Variants in NPAS1 observed in about 807,000 individuals in gnomAD.
The protein encoded by NPAS1 is neuronal PAS domain protein 1.
A neutral mutation model predicts 49.2 loss-of-function variants in NPAS1; 29 were observed. The observed-to-expected ratio is 0.59, with a 90% CI of 0.44 to 0.80. The LOEUF is 0.80. Ranked by LOEUF, NPAS1 falls within the 30% of genes least tolerant of loss-of-function variation. The pLI, the probability that NPAS1 is intolerant of heterozygous loss-of-function variation, is 0.00. For synonymous variants in NPAS1, 408 were observed against 380.4 expected (o/e 1.07, Z -0.84); for missense variants, 825 against 835.5 (o/e 0.99, Z 0.15).
Position 47,019,868 on chromosome 19 carries a change from AG to A in NPAS1, c.-171del. 1 of 331,310 alleles carries A rather than the reference AG, an allele frequency of 3.0e-6. No individual in the cohort carries two copies. The highest frequency in any genetic ancestry group is 2.2e-5 in the African/African-American group (1 of 46,030). The allele number at this position is 331,310 out of a possible 1,614,324, so 20.5% of individuals were successfully genotyped here. A position where few individuals can be genotyped will look rare whatever the true frequency, so the allele number is the denominator to read the frequency against. ...GTGGGCGCCGAGAGCTGGGCGCCAC[AG>A]CCCGCGCGTCCCGCTGCGCCCCGCG... is the stretch of plus-strand genomic sequence containing the variant. On this transcript the variant is annotated 5_prime_UTR_variant, in exon 1 of 12. Coordinates refer to ENST00000602212, the MANE Select transcript of NPAS1 (RefSeq NM_002517.4).
intron 10 of NPAS1, among the ~76,000 whole-genome samples, chr19:47,041,540 A>G (rs2057021660): frequency 6.6e-6 from 1 of 152,124 alleles, no homozygotes; most frequent in African/African-American, 2.4e-5. Flanking sequence ...GCCTGACCCT[A>G]AAGGTAATGC....
chr19:47,042,989 C>T (rs2057038137), intron 11 of NPAS1, 85 bp downstream of exon 11: 2 of 1,001,838 alleles, frequency 2.0e-6, no homozygotes, highest in Admixed American at 3.4e-5. Flanking sequence ...CCACTAGCCA[C>T]ATGCAGCCAT....
intron 6 of NPAS1, among the ~76,000 whole-genome samples, chr19:47,037,338 CAAAAAAAAAAA>C (rs869125845): frequency 0.015 from 792 of 51,784 alleles, 32 homozygotes; most frequent in East Asian, 0.11. Context: ...ACTCCGTCTC[CAAAAAAAAAAA>C]AAAAAAAAAA....
intron 1 of NPAS1, 103 bp from the exon 2 acceptor site, chr19:47,020,903 C>A (rs917938684): frequency 2.4e-5 from 10 of 409,274 alleles, no homozygotes; most frequent in Middle Eastern, 5.8e-4. Context: ...GGCCCCCCCC[C>A]CCCCAGCTCC....
At position 47,043,493 on chromosome 19, in the gene NPAS1, G is replaced by C. The variant is rs557323551; in HGVS notation, c.1312+589G>C. Among the ~76,000 whole-genome samples, 137 of 152,216 alleles carry C rather than the reference G, an allele frequency of 9.0e-4. 1 individual carries two copies. The highest frequency in any genetic ancestry group is 1.7e-3 in the Non-Finnish European group (113 of 68,016). On this transcript the variant is annotated intron_variant, in intron 11 of 11. Transcript: ENST00000602212. ...TAATCCCAACTACTCGGGAGGCTAA[G>C]GCAGGAGAATCGCTTGAACCCGGAG...
rs545688531 is a variant in NPAS1, at chr19:47,039,375, G to C, written c.805-32G>C. On this transcript the variant is annotated intron_variant, in intron 7 of 11. Transcript: ENST00000602212. ...CCTCTTGCCCCCACTGGCCCGCCTT[G>C]TCCCTCCTCCAACCATGCCCACCAC... The C allele has an allele frequency of 8.7e-6, 14 of 1,610,104 alleles. No homozygotes were observed. The South Asian group carries it at 1.3e-4, about 15-fold the overall frequency.
intron 10 of NPAS1, 59 bp downstream of exon 10, chr19:47,041,184 C>G (rs1178554473): frequency 5.6e-6 from 8 of 1,422,576 alleles, no homozygotes; most frequent in Non-Finnish European, 7.4e-6. Context: ...CTCTCCCCAC[C>G]TCCAGTGGGG....
chr19:47,042,971 T>C, intron 11 of NPAS1, 67 bp downstream of exon 11: 1 of 1,261,370 alleles, frequency 7.9e-7, no homozygotes, highest in Non-Finnish European at 1.1e-6. Context: ...GGCTGTCCAT[T>C]CCAGAAGCCA....
At chr19:47,032,399 G>A (rs1051543086) in intron 4 of NPAS1, 48 bp downstream of exon 4, 5 of 1,590,646 alleles carry the variant, frequency 3.1e-6, no homozygotes, top group African/African-American at 1.3e-5. Context: ...ACCACCTAGC[G>A]GCCGCCTCTG....
Position 47,032,279 on chromosome 19 carries a change from C to G in NPAS1, c.360C>G (p.Ala120=). ...GCTTCATCCTTCCATCTGCCCCAGCCCCAGGCCGCCGCGGCCCCGCAGCGC... is the reference window on the plus strand; with the variant it reads ...GCTTCATCCTTCCATCTGCCCCAGCGCCAGGCCGCCGCGGCCCCGCAGCGC... ...LRAAGPPAGL[A]PGRRGPAALV... Residue 120 remains alanine, a splice_region_variant and synonymous_variant, in exon 4 of 12, where the codon GCC becomes GCG. Coordinates refer to ENST00000602212, the MANE Select transcript of NPAS1 (RefSeq NM_002517.4). 1 of 1,613,852 alleles carries G rather than the reference C, an allele frequency of 6.2e-7. No homozygotes were observed. Among genetic ancestry groups the G allele is most frequent in the Non-Finnish European group, 8.5e-7 (1 of 1,179,942 alleles).
intron 6 of NPAS1, 64 bp from the exon 7 acceptor site, chr19:47,038,972 G>A: frequency 7.1e-7 from 1 of 1,418,260 alleles, no homozygotes; most frequent in South Asian, 1.2e-5. Flanking sequence ...GCTCTGCAAG[G>A]GTCAGGGTGG....
In NPAS1 at chr19:47,045,146, G is replaced by A. The variant is rs766663669; in HGVS notation, c.1313-45G>A. ...GCTCCATTCCACAGATGGGAAGACT[G>A]AGGGCTGGGGACACACACAGGCCCT... On this transcript the variant is annotated intron_variant, in intron 11 of 11. Coordinates refer to ENST00000602212, the MANE Select transcript of NPAS1 (RefSeq NM_002517.4). 6 of 1,579,794 alleles carry A rather than the reference G, an allele frequency of 3.8e-6. No homozygotes were observed. The South Asian group carries it at 6.8e-5, about 18-fold the overall frequency.
At chr19:47,038,147 G>A (rs1207583050) in intron 6 of NPAS1, among the ~76,000 whole-genome samples, 2 of 152,200 alleles carry the variant, frequency 1.3e-5, no homozygotes, top group Admixed American at 1.3e-4. Flanking sequence ...CCTGAGAGGT[G>A]GGCTTTCCTC....
At chr19:47,030,623 C>CCTGG (rs2056899080) in intron 3 of NPAS1, among the ~76,000 whole-genome samples, 1 of 147,646 alleles carries the variant, frequency 6.8e-6, no homozygotes, top group Admixed American at 6.9e-5. Context: ...AGCCACCGTG[C>CCTGG]CTGGCCCTTT....
At position 47,021,189 on chromosome 19, in the gene NPAS1, C is replaced by T. The variant is rs201703688; in HGVS notation, c.122+20C>T. ...ACCGTGGTGAGCAAAGCCCCGCCCC[C>T]CTGGCCGCGGGCCCCCCCCCGGGTC... On this transcript the variant is annotated intron_variant, in intron 2 of 11. Transcript: ENST00000602212. This position sits in a 1 kb window ranked among gnomAD's most constrained non-coding sequence, Gnocchi z 5.7. 1.6e-5 allele frequency: 24 copies of T among 1,514,054 alleles called. No homozygotes were observed. The highest frequency in any genetic ancestry group is 1.4e-4 in the African/African-American group (10 of 70,076). 93.8% of individuals were successfully genotyped at this position (1,514,054 alleles called of 1,614,324 possible).
chr19:47,022,744 G>T (rs2056849596), intron 3 of NPAS1, among the ~76,000 whole-genome samples: 1 of 152,128 alleles, frequency 6.6e-6, no homozygotes. Flanking sequence ...TGGCCAAGAC[G>T]CAATAAAGAA....
rs760670728 is a variant in NPAS1 at position 47,021,075 on chromosome 19, G to A, written c.28G>A (p.Gly10Ser). Residue 10 changes from glycine (G) to serine (S), a missense_variant, in exon 2 of 12, where the codon GGC (glycine) becomes AGC (serine). Physicochemically the swap from Gly to Ser is moderately conservative, Grantham distance 56 (BLOSUM62 0). Transcript: ENST00000602212. This position sits in a 1 kb window ranked among gnomAD's most constrained non-coding sequence, Gnocchi z 5.7. ...GGCGGCCCCCTATCCCGGCAGTGGC[G>A]GCGGAAGCGAGGTCAAATGCGTGGG... MAAPYPGSG[G>S]GSEVKCVGGR... 3.1e-6 allele frequency: 5 copies of A among 1,605,138 alleles called. No individual in the cohort carries two copies. Among genetic ancestry groups the A allele is most frequent in the Non-Finnish European group, 4.2e-6 (5 of 1,176,716 alleles).
chr19:47,021,913 C>A lies in NPAS1; in HGVS notation c.358+66C>A. 2 of 1,067,846 alleles carry A rather than the reference C, an allele frequency of 1.9e-6. No individual in the cohort carries two copies. The highest frequency in any genetic ancestry group is 2.5e-6 in the Non-Finnish European group (2 of 794,390). 66.1% of individuals were successfully genotyped at this position (1,067,846 alleles called of 1,614,324 possible). On this transcript the variant is annotated intron_variant, in intron 3 of 11. Coordinates refer to ENST00000602212, the MANE Select transcript of NPAS1 (RefSeq NM_002517.4). This position sits in a 1 kb window ranked among gnomAD's most constrained non-coding sequence, Gnocchi z 5.7. ...AGGCGGAGTCACTGCAGCCCAGATC[C>A]GGGCTGCGGGCCTGCCCTCGCCCAG...
chr19:47,036,826 G>T (rs1022212006), intron 6 of NPAS1, among the ~76,000 whole-genome samples: 8 of 151,960 alleles, frequency 5.3e-5, no homozygotes, highest in Non-Finnish European at 1.0e-4. Flanking sequence ...ATGTTGCAGT[G>T]AGCAGAGATT....
Sources: gnomAD v4.1 joint callset for allele counts (sites outside exome capture counted in the v4.1 genomes callset) on GRCh38, gnomAD v4.1.1 for gene constraint, Gnocchi (gnomAD v3.1) non-coding constraint, MANE v1.5 for transcripts, NCBI Gene and HGNC (gene_info 2026-07-23, HGNC 2026-07-21) for gene names.